FYB1: variants seen among roughly 807,000 people sequenced by gnomAD.
FYB1 encodes the protein FYN-binding protein 1.
In FYB1, 41 loss-of-function variants were observed where a neutral mutation model predicts 94.1. The ratio of observed to expected loss-of-function variants is 0.44; its 90% confidence interval spans 0.34 to 0.57. The LOEUF (loss-of-function observed/expected upper bound fraction) is 0.57. FYB1 is among the 20% of genes least tolerant of loss of function. The pLI, the probability that FYB1 is intolerant of heterozygous loss-of-function variation, is 0.02. For missense variants in FYB1, 1,050 were observed against 976.8 expected (o/e 1.07, Z -1.00); for synonymous variants, 367 against 353.2 (o/e 1.04, Z -0.44).
chr5:39,111,366 CT>C (rs1219813984), intron 16 of FYB1, among the ~76,000 whole-genome samples: 1 of 151,700 alleles, frequency 6.6e-6, no homozygotes, highest in Non-Finnish European at 1.5e-5. Flanking sequence ...AATTTTAGTT[CT>C]GAATCAAAGC....
Position 39,119,588 on chromosome 5 carries a change from T to G in FYB1, c.2185A>C (p.Lys729Gln), listed in dbSNP as rs1739891993. ...GKAKTEEKDLKKLKKQEKEEK... is the reference protein window; with the variant it reads ...GKAKTEEKDLQKLKKQEKEEK... Reference sequence around the variant, plus strand: ...TCTTTTTCCTGCTTTTTTAGCTTCTTAAGGTCCTTTTCTTCTGTCTTAGCT... The same window carrying G: ...TCTTTTTCCTGCTTTTTTAGCTTCTGAAGGTCCTTTTCTTCTGTCTTAGCT... The change falls in exon 15 of 19, where the codon AAG becomes CAG. Residue 729 changes from lysine to glutamine, a missense_variant. Lys to Gln is a moderately conservative substitution (Grantham distance 53). Transcript: ENST00000512982. The G allele has an allele frequency of 1.3e-6, 2 of 1,551,328 alleles. No homozygotes were observed. The highest frequency in any genetic ancestry group is 1.7e-6 in the Non-Finnish European group (2 of 1,146,922).
In FYB1 at chr5:39,202,083, T is replaced by A. The variant is rs1423875028; in HGVS notation, c.878A>T (p.Asn293Ile). 6.2e-7 allele frequency: 1 copy of A among 1,613,936 alleles called. No homozygotes were observed. The highest frequency in any genetic ancestry group is 1.3e-5 in the African/African-American group (1 of 74,938). ...CTGATTTATTTTGCTCTGGAAGGTGTTCTTAGCAGCATCTATCTTCCTATC... is the reference window on the plus strand; with the variant it reads ...CTGATTTATTTTGCTCTGGAAGGTGATCTTAGCAGCATCTATCTTCCTATC... Reference protein sequence around the residue: ...KEDRKIDAAKNTFQSKINQEE... With the variant: ...KEDRKIDAAKITFQSKINQEE... Residue 293 changes from asparagine (N) to isoleucine (I), a missense_variant, in exon 2 of 19, where the codon AAC becomes ATC. Asn to Ile is a moderately radical substitution (Grantham distance 149). Coordinates refer to ENST00000512982, the MANE Select transcript of FYB1 (RefSeq NM_001465.6).
chr5:39,210,815 A>C (rs553777699), intron 1 of FYB1, among the ~76,000 whole-genome samples: 2 of 152,206 alleles, frequency 1.3e-5, no homozygotes, highest in Non-Finnish European at 2.9e-5. Flanking sequence ...GTTTGAGTTC[A>C]TCCTAAGCAA....
In FYB1 at chr5:39,137,589, C is replaced by A. The variant is rs966417576; in HGVS notation, c.1515+11G>T. 2 of 1,539,346 alleles carry A rather than the reference C, an allele frequency of 1.3e-6. No individual in the cohort carries two copies. Among genetic ancestry groups the A allele is most frequent in the African/African-American group, 1.4e-5 (1 of 71,954 alleles). On this transcript the variant is annotated intron_variant, in intron 7 of 18. Transcript: ENST00000512982. ...TGTTATTCTTTCACTCATTAGCAAG[C>A]AAGCCCTTACTTTAAATTTCTTCTT...
At chr5:39,160,011 T>C (rs1744105194) in intron 2 of FYB1, among the ~76,000 whole-genome samples, 1 of 152,192 alleles carries the variant, frequency 6.6e-6, no homozygotes. Context: ...CCAAACTTCT[T>C]GGAAAAAACC....
chr5:39,253,586 G>T (rs1393910948), intron 1 of FYB1, among the ~76,000 whole-genome samples: 3 of 152,204 alleles, frequency 2.0e-5, no homozygotes, highest in African/African-American at 7.2e-5. Flanking sequence ...GTATAGGATT[G>T]TTACACAGGT....
chr5:39,232,089 T>C (rs952518679), intron 1 of FYB1, among the ~76,000 whole-genome samples: 1 of 152,070 alleles, frequency 6.6e-6, no homozygotes, highest in Non-Finnish European at 1.5e-5. Flanking sequence ...TGAACAATGG[T>C]GAACTTTCTC....
intron 8 of FYB1, 106 bp from the exon 9 acceptor site, chr5:39,134,455 T>C (rs1031573352): frequency 9.6e-7 from 1 of 1,038,098 alleles, no homozygotes; most frequent in Non-Finnish European, 1.4e-6. Flanking sequence ...TTCCCCTGAT[T>C]TATTTTCTTG....
intron 12 of FYB1, 145 bp downstream of exon 12, chr5:39,125,853 G>A (rs76612429): frequency 6.9e-5 from 49 of 712,082 alleles, no homozygotes; most frequent in African/African-American, 6.8e-4. Flanking sequence ...CACCATAAAC[G>A]GGGCTAAGAT....
chr5:39,112,735 T>C lies in FYB1; in HGVS notation c.2402-2346A>G, dbSNP rs151158929. On this transcript the variant is annotated intron_variant, in intron 16 of 18. Coordinates refer to ENST00000512982, the MANE Select transcript of FYB1 (RefSeq NM_001465.6). ...GATAGAGAGCTTAATACTTCAACTT[T>C]ACAAATTACTTATAAAAAACACATT... 9.9e-5 allele frequency among the ~76,000 whole-genome samples: 15 copies of C among 152,194 alleles called. No homozygotes were observed. In the East Asian group the frequency reaches 2.7e-3, roughly 27 times the overall value.
rs972979570 is a variant in FYB1, at chr5:39,119,575, T to G, written c.2198A>C (p.Lys733Thr). Residue 733 changes from lysine to threonine, a missense_variant, in exon 15 of 19, where the codon AAG becomes ACG. Physicochemically the swap from Lys to Thr is moderately conservative, Grantham distance 78. Coordinates refer to ENST00000512982, the MANE Select transcript of FYB1 (RefSeq NM_001465.6). ...GAAGTCTTTTTCTTCTTTTTCCTGC[T>G]TTTTTAGCTTCTTAAGGTCCTTTTC... Reference protein sequence around the residue: ...TEEKDLKKLKKQEKEEKDFRK... With the variant: ...TEEKDLKKLKTQEKEEKDFRK... 6.5e-7 allele frequency: 1 copy of G among 1,549,262 alleles called. No homozygotes were observed. Among genetic ancestry groups the G allele is most frequent in the Non-Finnish European group, 8.7e-7 (1 of 1,146,014 alleles).
intron 12 of FYB1, among the ~76,000 whole-genome samples, chr5:39,125,073 T>C (rs913705959): frequency 3.3e-5 from 5 of 151,946 alleles, no homozygotes; most frequent in Non-Finnish European, 7.4e-5. Flanking sequence ...TAGTATGTAA[T>C]TGAAGCAGAA....
rs114496020 is a variant in FYB1, at chr5:39,168,096, G to A, written c.1136-14492C>T. 8.8e-3 allele frequency among the ~76,000 whole-genome samples: 1,335 copies of A among 152,148 alleles called. 26 individuals are homozygous for A. Among genetic ancestry groups the A allele is most frequent in the African/African-American group, 0.03 (1,248 of 41,492 alleles). ...TGTGTCTCTGTGTAACTTTCTTACG[G>A]TGCTAATAAACCTTTGCAATTGGTA... is the stretch of plus-strand genomic sequence containing the variant. On this transcript the variant is annotated intron_variant, in intron 2 of 18. Coordinates refer to ENST00000512982, the MANE Select transcript of FYB1 (RefSeq NM_001465.6).
At chr5:39,137,297 G>GA (rs1741751518) in intron 7 of FYB1, 1 of 251,776 alleles carries the variant, frequency 4.0e-6, no homozygotes, top group South Asian at 4.7e-5. Flanking sequence ...AGGCTAATAT[G>GA]AAATGCATTA....
At chr5:39,259,368 G>A (rs753306005) in intron 1 of FYB1, among the ~76,000 whole-genome samples, 22 of 152,326 alleles carry the variant, frequency 1.4e-4, no homozygotes, top group Non-Finnish European at 1.8e-4. Context: ...ATTTAGTAAC[G>A]AGTATGCGAA....
intron 1 of FYB1, among the ~76,000 whole-genome samples, chr5:39,206,513 T>C (rs2081028755): frequency 6.6e-6 from 1 of 152,322 alleles, no homozygotes; most frequent in Admixed American, 6.5e-5. Flanking sequence ...TTATTTTTAC[T>C]TAAAAAAGGG....
intron 3 of FYB1, among the ~76,000 whole-genome samples, chr5:39,148,590 A>T (rs986646971): frequency 4.6e-5 from 7 of 151,770 alleles, no homozygotes; most frequent in African/African-American, 1.7e-4. Flanking sequence ...GTGAGAGAAG[A>T]CTATCTGGCA....
chr5:39,252,257 C>T (rs1751750177), intron 1 of FYB1, among the ~76,000 whole-genome samples: 1 of 151,336 alleles, frequency 6.6e-6, no homozygotes. Context: ...AAAAACAGGG[C>T]ATGTGTTGCA....
chr5:39,169,835 T>G, intron 2 of FYB1: 1 of 528,698 alleles, frequency 1.9e-6, no homozygotes, highest in Non-Finnish European at 3.6e-6. Flanking sequence ...GTGGTTATAC[T>G]GGGGTTCACA....
Sources: allele counts gnomAD v4.1 joint callset (sites outside exome capture counted in the v4.1 genomes callset), GRCh38; gene constraint gnomAD v4.1.1; transcripts MANE v1.5; gene names NCBI Gene and HGNC (gene_info 2026-07-23, HGNC 2026-07-21).